Variants in TLN2 observed in about 807,000 individuals in gnomAD.
TLN2 encodes talin 2, also known as talin-2.
In TLN2, 118 loss-of-function variants were observed where a neutral mutation model predicts 294.7. The observed-to-expected ratio is 0.40, with a 90% CI of 0.34 to 0.47. TLN2 has a LOEUF of 0.47. Ranked by LOEUF, TLN2 falls within the 20% of genes least tolerant of loss-of-function variation. TLN2 has a pLI of 0.84. For synonymous variants in TLN2, 1,431 were observed against 1,304.5 expected (o/e 1.10, Z -2.09); for missense variants, 3,083 against 3,282.2 (o/e 0.94, Z 1.48).
At chr15:62,742,070 T>TGTGTGTGTGTGA in intron 32 of TLN2, among the ~76,000 whole-genome samples, 2 of 147,834 alleles carry the variant, frequency 1.4e-5, no homozygotes, top group Non-Finnish European at 3.0e-5. Flanking sequence ...TGTGTGTGTG[T>TGTGTGTGTGTGA]GTGTGAAGGG....
chr15:62,712,554 G>A (rs2059490260), intron 22 of TLN2, among the ~76,000 whole-genome samples: 1 of 15,834 alleles, frequency 6.3e-5, no homozygotes, highest in Non-Finnish European at 1.3e-3. Context: ...ATGATGAGGA[G>A]TTAAGAGTTC....
intron 39 of TLN2, 74 bp from the exon 40 acceptor site, chr15:62,763,489 C>A: frequency 1.3e-6 from 2 of 1,510,100 alleles, no homozygotes; most frequent in Non-Finnish European, 1.8e-6. Context: ...GGGATCCTGG[C>A]CCACCAGTGC....
intron 1 of TLN2, among the ~76,000 whole-genome samples, chr15:62,482,952 C>G (rs1416273793): frequency 6.6e-6 from 1 of 152,162 alleles, no homozygotes; most frequent in Non-Finnish European, 1.5e-5. Flanking sequence ...GACAGATGCT[C>G]AGGAGCGACC....
At chr15:62,839,921 CTT>C (rs2070409123) in intron 58 of TLN2, among the ~76,000 whole-genome samples, 1 of 152,204 alleles carries the variant, frequency 6.6e-6, no homozygotes, top group African/African-American at 2.4e-5. Context: ...AAGGAACTGA[CTT>C]TGCTTTTTTG....
At chr15:62,588,517 A>G (rs1418626765) in intron 1 of TLN2, among the ~76,000 whole-genome samples, 4 of 151,290 alleles carry the variant, frequency 2.6e-5, no homozygotes, top group South Asian at 4.2e-4. Flanking sequence ...GCACCTTCCT[A>G]GCTACACAGG....
At chr15:62,760,565 G>A (rs1211943781) in intron 37 of TLN2, among the ~76,000 whole-genome samples, 1 of 152,146 alleles carries the variant, frequency 6.6e-6, no homozygotes, top group Non-Finnish European at 1.5e-5. Context: ...GTCAAGTGTA[G>A]CCTTTTGCTG....
chr15:62,709,906 T>C (rs2059315196), intron 21 of TLN2, among the ~76,000 whole-genome samples: 1 of 152,080 alleles, frequency 6.6e-6, no homozygotes, highest in Non-Finnish European at 1.5e-5. Flanking sequence ...GGCTAATTTT[T>C]GTATTTTTAG....
At chr15:62,778,514 A>G (rs2063878599) in intron 43 of TLN2, among the ~76,000 whole-genome samples, 3 of 152,250 alleles carry the variant, frequency 2.0e-5, no homozygotes, top group African/African-American at 4.8e-5. Context: ...TACCACTCAA[A>G]TGATAGGGAA....
chr15:62,656,979 G>A (rs1451958039), intron 8 of TLN2, among the ~76,000 whole-genome samples: 1 of 152,190 alleles, frequency 6.6e-6, no homozygotes, highest in African/African-American at 2.4e-5. Flanking sequence ...TGAGTTAGTG[G>A]ACGGAAGGAT....
intron 1 of TLN2, among the ~76,000 whole-genome samples, chr15:62,537,929 G>A (rs2041455502): frequency 6.6e-6 from 1 of 152,106 alleles, no homozygotes; most frequent in Admixed American, 6.6e-5. Flanking sequence ...ACTGTTAAGA[G>A]CAGCAGCCTT....
At chr15:62,712,750 G>A (rs144490891) in intron 22 of TLN2, among the ~76,000 whole-genome samples, 1 of 152,252 alleles carries the variant, frequency 6.6e-6, no homozygotes, top group Non-Finnish European at 1.5e-5. Flanking sequence ...GTGCATGCGT[G>A]CGTGCATGTG....
At chr15:62,584,477 G>A (rs992912501) in intron 1 of TLN2, among the ~76,000 whole-genome samples, 2 of 152,202 alleles carry the variant, frequency 1.3e-5, no homozygotes, top group Non-Finnish European at 2.9e-5. Flanking sequence ...GTCCTTGGGT[G>A]TTGACGCTGT....
chr15:62,666,127 G>C (rs939293776), intron 9 of TLN2, among the ~76,000 whole-genome samples: 1 of 152,176 alleles, frequency 6.6e-6, no homozygotes, highest in African/African-American at 2.4e-5. Context: ...CTGGGCAGTG[G>C]CGTGTCCTTA....
chr15:62,584,381 T>C, intron 1 of TLN2, among the ~76,000 whole-genome samples: 1 of 152,220 alleles, frequency 6.6e-6, no homozygotes, highest in Middle Eastern at 3.2e-3. Context: ...TTTAGAGCAA[T>C]ACAAAAGGAT....
intron 1 of TLN2, among the ~76,000 whole-genome samples, chr15:62,484,833 G>A (rs2038302481): frequency 6.6e-6 from 1 of 152,188 alleles, no homozygotes; most frequent in Non-Finnish European, 1.5e-5. Flanking sequence ...CTCATTTCTG[G>A]TGATGGAGTA....
chr15:62,564,925 A>AATAT lies in TLN2; in HGVS notation c.-237-24748_-237-24745dup, dbSNP rs1555430771. The stretch of plus-strand genomic sequence containing the variant: ...CATCTCAAAAAAAAAAAAAAAAAAA[A>AATAT]ATATATATATATATATACTGCATTC... On this transcript the variant is annotated intron_variant, in intron 1 of 58. Coordinates refer to ENST00000636159, the MANE Select transcript of TLN2 (RefSeq NM_015059.3). Among the ~76,000 whole-genome samples the AATAT allele has an allele frequency of 3.9e-3, 312 of 80,582 alleles. 3 individuals carry two copies. Among genetic ancestry groups the AATAT allele is most frequent in the Middle Eastern group, 0.013 (2 of 152 alleles). 52.9% of individuals were successfully genotyped at this position (80,582 alleles called of 152,430 possible).
At chr15:62,580,853 C>T (rs1049530493) in intron 1 of TLN2, among the ~76,000 whole-genome samples, 4 of 151,904 alleles carry the variant, frequency 2.6e-5, no homozygotes, top group Non-Finnish European at 4.4e-5. Context: ...TTCGCCCCGC[C>T]CCCTGACCCC....
intron 3 of TLN2, among the ~76,000 whole-genome samples, chr15:62,624,836 A>T (rs960913751): frequency 1.3e-5 from 2 of 152,218 alleles, no homozygotes; most frequent in East Asian, 1.9e-4. Flanking sequence ...CACCACGTCA[A>T]TGTGACAGCT....
chr15:62,786,829 AT>A (rs1341647952), intron 45 of TLN2, among the ~76,000 whole-genome samples: 1 of 152,180 alleles, frequency 6.6e-6, no homozygotes, highest in African/African-American at 2.4e-5. Flanking sequence ...GCAAAAGTAA[AT>A]GCAGTTTTTG....
Sources: allele counts gnomAD v4.1 joint callset (sites outside exome capture counted in the v4.1 genomes callset), GRCh38; gene constraint gnomAD v4.1.1; transcripts MANE v1.5; gene names NCBI Gene and HGNC (gene_info 2026-07-23, HGNC 2026-07-21).